The following YAF2 variants were observed in gnomAD, a reference collection of about 807,000 sequenced individuals.
YAF2 encodes the protein YY1-associated factor 2.
A neutral mutation model predicts 20.1 loss-of-function variants in YAF2; 7 were observed. The ratio of observed to expected loss-of-function variants is 0.35; its 90% CI spans 0.20 to 0.65. The LOEUF is 0.65. Ranked by LOEUF, YAF2 falls within the 30% of genes least tolerant of loss-of-function variation. The probability of loss-of-function intolerance (pLI) is 0.69; values close to 1 mark genes in which losing one functional copy is unlikely to be tolerated. For missense variants in YAF2, 151 were observed against 219.2 expected, an observed-to-expected ratio of 0.69 and a Z score of 1.96; for synonymous variants, 74 against 76.0, an observed-to-expected ratio of 0.97 and a Z score of 0.14.
At position 42,210,649 on chromosome 12, in the gene YAF2, A is replaced by G. The variant is rs1347770875; in HGVS notation, c.152+26950T>C. 1.1e-5 allele frequency: 17 copies of G among 1,535,928 alleles called. No individual in the cohort carries two copies. The East Asian group carries it at 4.2e-4, about 38-fold the overall frequency. ...GGAGATTACCCAATAGGAGAACTCC[A>G]GTTACTGGTAAGTGATCCAGCTTTT... On this transcript the variant is annotated intron_variant, in intron 2 of 3. Transcript: ENST00000534854.
At chr12:42,187,870 ATT>A (rs539870692) in intron 2 of YAF2, among the ~76,000 whole-genome samples, 132 of 152,302 alleles carry the variant, frequency 8.7e-4, no homozygotes, top group African/African-American at 2.7e-3. Context: ...CATAAAAGAC[ATT>A]GTGACTTTCA....
In YAF2 at chr12:42,160,785, A is replaced by G; in HGVS notation, c.347T>C (p.Leu116Ser). Residue 116 changes from leucine (L) to serine (S), a missense_variant, in exon 4 of 4, where the codon TTG becomes TCG. Transcript: ENST00000534854. ...KNVDRSSAQH[L>S]EVTVGDLTVI... Reference sequence around the variant, plus strand: ...TGTCAGATCTCCAACAGTAACTTCCAAATGCTGAGCACTACTCCGATCCAC... The same window carrying G: ...TGTCAGATCTCCAACAGTAACTTCCGAATGCTGAGCACTACTCCGATCCAC... The G allele has an allele frequency of 6.2e-7, 1 of 1,613,854 alleles. No homozygotes were observed.
At chr12:42,192,393 C>T (rs945478145) in intron 2 of YAF2, among the ~76,000 whole-genome samples, 4 of 151,744 alleles carry the variant, frequency 2.6e-5, no homozygotes, top group Admixed American at 2.6e-4. Context: ...CCTGTGAACC[C>T]ACCTACTCAG....
At chr12:42,190,306 G>C (rs1479440614) in intron 2 of YAF2, among the ~76,000 whole-genome samples, 1 of 152,034 alleles carries the variant, frequency 6.6e-6, no homozygotes. Flanking sequence ...ACAGCACCAT[G>C]GCACTCCACC....
chr12:42,190,716 G>C (rs1011330724), intron 2 of YAF2, among the ~76,000 whole-genome samples: 4 of 152,000 alleles, frequency 2.6e-5, no homozygotes, highest in African/African-American at 9.7e-5. Flanking sequence ...ACAGTTGCCA[G>C]TCTGCAGTAT....
chr12:42,204,715 G>A (rs1014348457), intron 2 of YAF2, among the ~76,000 whole-genome samples: 44 of 152,228 alleles, frequency 2.9e-4, no homozygotes, highest in African/African-American at 8.9e-4. Flanking sequence ...ATCCACATAC[G>A]ATGATGTATT....
chr12:42,226,885 C>T lies in YAF2; in HGVS notation c.152+10714G>A, dbSNP rs1265821637. 4.0e-5 allele frequency among the ~76,000 whole-genome samples: 6 copies of T among 150,076 alleles called. 1 individual carries two copies. In the South Asian group the frequency reaches 1.0e-3, roughly 26 times the overall value. ...CCGGAGGCCCCAGAAGGCTCGAAGG[C>T]GCCGCGGGCTGGGGTCGGTGGCTTA... On this transcript the variant is annotated intron_variant, in intron 2 of 3. Coordinates refer to ENST00000534854, the MANE Select transcript of YAF2 (RefSeq NM_005748.6).
intron 2 of YAF2, chr12:42,205,883 T>C (rs935676769): frequency 4.8e-6 from 2 of 419,902 alleles, no homozygotes; most frequent in Non-Finnish European, 4.7e-6. Context: ...AACACTTTTG[T>C]TGTGATTTAG....
At chr12:42,212,567 AAAAC>A (rs1271153692) in intron 2 of YAF2, 4 of 297,530 alleles carry the variant, frequency 1.3e-5, no homozygotes, top group Admixed American at 5.1e-5. Flanking sequence ...GAAAGAAAAC[AAAAC>A]AAACAAAAAA....
At chr12:42,221,901 C>T (rs2067527872) in intron 2 of YAF2, among the ~76,000 whole-genome samples, 1 of 152,150 alleles carries the variant, frequency 6.6e-6, no homozygotes, top group Admixed American at 6.5e-5. Flanking sequence ...ACGCTCTTAT[C>T]TGTCTATCAT....
At chr12:42,196,970 AT>A (rs1335515382) in intron 2 of YAF2, among the ~76,000 whole-genome samples, 1 of 152,220 alleles carries the variant, frequency 6.6e-6, no homozygotes, top group Admixed American at 6.5e-5. Context: ...TAAGGAGGGT[AT>A]CAAGTAACCA....
intron 2 of YAF2, chr12:42,234,023 T>C: frequency 2.9e-6 from 2 of 701,168 alleles, no homozygotes; most frequent in South Asian, 1.3e-4. Context: ...ATACAAAAAT[T>C]AGCCTGGTGT....
At chr12:42,165,061 CAAAAA>C (rs78729667) in intron 2 of YAF2, among the ~76,000 whole-genome samples, 2 of 64,774 alleles carry the variant, frequency 3.1e-5, no homozygotes, top group Non-Finnish European at 6.4e-5. Context: ...TCTTCTGGAA[CAAAAA>C]AAAAAAAAAA....
intron 2 of YAF2, among the ~76,000 whole-genome samples, chr12:42,223,331 T>TAC (rs71434396): frequency 0.36 from 53,543 of 148,058 alleles, 9,607 homozygotes; most frequent in South Asian, 0.52. Context: ...TTAAAATACA[T>TAC]ACACACACAC....
intron 2 of YAF2, among the ~76,000 whole-genome samples, chr12:42,205,199 A>T (rs1017663806): frequency 6.6e-6 from 1 of 151,934 alleles, no homozygotes; most frequent in African/African-American, 2.4e-5. Context: ...AAATTTATAT[A>T]CATATAAATT....
At chr12:42,208,571 C>T (rs1421518478) in intron 2 of YAF2, among the ~76,000 whole-genome samples, 2 of 152,124 alleles carry the variant, frequency 1.3e-5, no homozygotes, top group African/African-American at 4.8e-5. Context: ...TATAGCCAAA[C>T]ACTAGCCAAT....
chr12:42,234,987 CAAAAAAG>C (rs1189112349), intron 2 of YAF2: 11 of 983,956 alleles, frequency 1.1e-5, no homozygotes, highest in Non-Finnish European at 1.3e-5. Context: ...GATCTTATCT[CAAAAAAG>C]AAAAAAGAAA....
intron 2 of YAF2, among the ~76,000 whole-genome samples, chr12:42,224,551 C>G (rs2067628219): frequency 6.6e-6 from 1 of 151,994 alleles, no homozygotes; most frequent in East Asian, 1.9e-4. Context: ...CGACAGGCCC[C>G]CGTGTGTGAT....
At chr12:42,235,895 C>A in intron 2 of YAF2, 1 of 1,536,096 alleles carries the variant, frequency 6.5e-7, no homozygotes, top group Non-Finnish European at 8.7e-7. Flanking sequence ...CAGCCTGTTT[C>A]TTCTCTTCTG....
Sources: allele counts gnomAD v4.1 joint callset (sites outside exome capture counted in the v4.1 genomes callset), GRCh38; gene constraint gnomAD v4.1.1; transcripts MANE v1.5; gene names NCBI Gene and HGNC (gene_info 2026-07-23, HGNC 2026-07-21).